The following FAM53B variants were observed in gnomAD, a reference collection of about 807,000 sequenced individuals.
FAM53B encodes protein FAM53B.
Under a neutral mutation model 32.7 loss-of-function variants are expected in FAM53B, and 12 were observed. The ratio of observed to expected loss-of-function variants is 0.37; its 90% CI spans 0.24 to 0.59. The LOEUF (loss-of-function observed/expected upper bound fraction) is 0.59, where lower values mean the gene tolerates loss of function less well. FAM53B is among the 20% of genes least tolerant of loss of function. FAM53B has a pLI of 0.72. For synonymous variants in FAM53B, 234 were observed against 228.7 expected, an observed-to-expected ratio of 1.02 and a Z score of -0.21; for missense variants, 477 against 577.7, an observed-to-expected ratio of 0.83 and a Z score of 1.79.
At chr10:124,699,405 G>A (rs539199383) in intron 2 of FAM53B, among the ~76,000 whole-genome samples, 64 of 152,334 alleles carry the variant, frequency 4.2e-4, no homozygotes, top group Admixed American at 9.8e-4. Flanking sequence ...AGTGGGGAAG[G>A]GCTGAGAGGC....
chr10:124,677,971 GGCTGA>G (rs1271822161), intron 4 of FAM53B, among the ~76,000 whole-genome samples: 1 of 152,220 alleles, frequency 6.6e-6, no homozygotes, highest in African/African-American at 2.4e-5. Flanking sequence ...GTTGACTACA[GGCTGA>G]GCTGAGCTGC....
In FAM53B at chr10:124,744,016, G is replaced by A. The variant is rs1320675292; in HGVS notation, c.-178C>T. ...CGCCCGGCCCCGGGTCGCTTACTGTGCGCGGCGGGGCGCTCCGGGCGCGGA... is the reference window on the plus strand; with the variant it reads ...CGCCCGGCCCCGGGTCGCTTACTGTACGCGGCGGGGCGCTCCGGGCGCGGA... On this transcript the variant is annotated 5_prime_UTR_variant, in exon 1 of 5. Transcript: ENST00000337318. The A allele has an allele frequency of 6.8e-6, 1 of 147,856 alleles. No individual in the cohort carries two copies. The highest frequency in any genetic ancestry group is 6.7e-5 in the Admixed American group (1 of 14,880). 9.2% of individuals were successfully genotyped at this position (147,856 alleles called of 1,614,324 possible).
At chr10:124,713,109 C>T (rs1950016205) in intron 1 of FAM53B, among the ~76,000 whole-genome samples, 1 of 152,250 alleles carries the variant, frequency 6.6e-6, no homozygotes, top group Admixed American at 6.5e-5. Flanking sequence ...CACTTCCAGC[C>T]ACAGCCCTCC....
intron 4 of FAM53B, among the ~76,000 whole-genome samples, chr10:124,660,006 C>T (rs1165699452): frequency 6.6e-6 from 1 of 152,214 alleles, no homozygotes; most frequent in Non-Finnish European, 1.5e-5. Context: ...GGGGTTTTGC[C>T]ATGTTGGCCA....
chr10:124,728,139 G>A (rs542215213), intron 1 of FAM53B, among the ~76,000 whole-genome samples: 2 of 152,224 alleles, frequency 1.3e-5, no homozygotes, highest in South Asian at 2.1e-4. Context: ...CATTCTCATC[G>A]GCACCACTCC....
Position 124,662,461 on chromosome 10 carries a change from CCCAT to C in FAM53B, c.906+19142_906+19145del, listed in dbSNP as rs79363634. Among the ~76,000 whole-genome samples the C allele has an allele frequency of 2.4e-3, 283 of 119,890 alleles. 1 individual carries two copies. Among genetic ancestry groups the C allele is most frequent in the African/African-American group, 4.8e-3 (166 of 34,676 alleles). 78.7% of individuals were successfully genotyped at this position (119,890 alleles called of 152,430 possible). A position where few individuals can be genotyped will look rare whatever the true frequency, so the allele number is the denominator to read the frequency against. On this transcript the variant is annotated intron_variant, in intron 4 of 4. Transcript: ENST00000337318. ...ATCCACCCACCCACACACCCACCCA[CCCAT>C]CCATCCATCCATCCATCCATCCATC...
At chr10:124,626,516 C>G (rs370420885) in intron 4 of FAM53B, among the ~76,000 whole-genome samples, 5 of 152,126 alleles carry the variant, frequency 3.3e-5, no homozygotes, top group South Asian at 4.2e-4. Flanking sequence ...AGGTGCCTCT[C>G]CAGCCAGACA....
intron 4 of FAM53B, among the ~76,000 whole-genome samples, chr10:124,650,166 A>G (rs1055283571): frequency 6.6e-6 from 1 of 152,242 alleles, no homozygotes. Context: ...AGTATAGGAT[A>G]ATTTTACAAT....
At chr10:124,680,299 C>T (rs1273423798) in intron 4 of FAM53B, among the ~76,000 whole-genome samples, 3 of 152,200 alleles carry the variant, frequency 2.0e-5, no homozygotes, top group Non-Finnish European at 4.4e-5. Flanking sequence ...CACAAGCATA[C>T]CACCATCTTG....
chr10:124,628,961 CCT>C (rs1411419850), intron 4 of FAM53B, among the ~76,000 whole-genome samples: 1 of 152,252 alleles, frequency 6.6e-6, no homozygotes, highest in African/African-American at 2.4e-5. Context: ...TGGGAGCATC[CCT>C]CTCTGTGTCA....
chr10:124,653,112 A>C (rs1589738749), intron 4 of FAM53B, among the ~76,000 whole-genome samples: 2 of 152,222 alleles, frequency 1.3e-5, no homozygotes, highest in African/African-American at 4.8e-5. Flanking sequence ...CAGAGCCTTG[A>C]GGGCTGCCTG....
rs1033334591 is a variant in FAM53B at position 124,621,202 on chromosome 10, C to A, written c.*2040G>T. On this transcript the variant is annotated 3_prime_UTR_variant, in exon 5 of 5. Coordinates refer to ENST00000337318, the MANE Select transcript of FAM53B (RefSeq NM_014661.4). ...TGCTATAGAGGCTGTGTGCCCTCGG[C>A]CACACCGGGCATGTGGTGCCAGGAC... 8.5e-5 allele frequency: 13 copies of A among 152,368 alleles called. No homozygotes were observed. The highest frequency in any genetic ancestry group is 2.6e-4 in the African/African-American group (11 of 41,578). The allele number at this position is 152,368 out of a possible 1,614,324, so 9.4% of individuals were successfully genotyped here. A position where few individuals can be genotyped will look rare whatever the true frequency, so the allele number is the denominator to read the frequency against.
At chr10:124,658,374 G>T (rs1161152637) in intron 4 of FAM53B, among the ~76,000 whole-genome samples, 1 of 152,166 alleles carries the variant, frequency 6.6e-6, no homozygotes, top group Admixed American at 6.5e-5. Flanking sequence ...ATGTCAAGGG[G>T]GACCCTCCTG....
intron 4 of FAM53B, among the ~76,000 whole-genome samples, chr10:124,640,672 C>T (rs771617977): frequency 2.6e-4 from 39 of 152,270 alleles, no homozygotes; most frequent in Admixed American, 3.9e-4. Context: ...TCCATGGGAT[C>T]GCCCCACTAA....
At chr10:124,632,736 T>C (rs1170411064) in intron 4 of FAM53B, among the ~76,000 whole-genome samples, 2 of 152,220 alleles carry the variant, frequency 1.3e-5, no homozygotes, top group Non-Finnish European at 2.9e-5. Context: ...TTAGCCACTC[T>C]TGCAGATGAG....
At chr10:124,729,827 T>C (rs1589766740) in intron 1 of FAM53B, among the ~76,000 whole-genome samples, 1 of 152,216 alleles carries the variant, frequency 6.6e-6, no homozygotes, top group Non-Finnish European at 1.5e-5. Flanking sequence ...CCAGCACTGA[T>C]GCATTTATGC....
intron 4 of FAM53B, among the ~76,000 whole-genome samples, chr10:124,667,930 G>A (rs1430611953): frequency 6.6e-6 from 1 of 152,138 alleles, no homozygotes; most frequent in Non-Finnish European, 1.5e-5. Context: ...GGACACTGAG[G>A]CCCAGGGAGG....
intron 3 of FAM53B, among the ~76,000 whole-genome samples, chr10:124,683,354 G>C (rs1198642011): frequency 6.6e-6 from 1 of 152,188 alleles, no homozygotes; most frequent in East Asian, 1.9e-4. Context: ...AATATGCCAT[G>C]ATATCAGGGA....
chr10:124,723,109 T>C (rs1160193208), intron 1 of FAM53B, among the ~76,000 whole-genome samples: 3 of 152,196 alleles, frequency 2.0e-5, no homozygotes, highest in Non-Finnish European at 4.4e-5. Context: ...TCTGCCTCTG[T>C]GCAGAATGCA....
Sources: allele counts gnomAD v4.1 joint callset (sites outside exome capture counted in the v4.1 genomes callset), GRCh38; gene constraint gnomAD v4.1.1; transcripts MANE v1.5; gene names NCBI Gene and HGNC (gene_info 2026-07-23, HGNC 2026-07-21).